The following MYPOP variants were observed in gnomAD, a reference collection of about 807,000 sequenced individuals.
MYPOP encodes the protein myb-related transcription factor, partner of profilin.
A neutral mutation model predicts 25.7 loss-of-function variants in MYPOP; 21 were observed. That is an observed-to-expected ratio of 0.82 (90% CI 0.58 to 1.18). The LOEUF is 1.18. Among genes scored for constraint, MYPOP ranks in the 50% most tolerant of loss-of-function variants. The pLI is 0.00. For synonymous variants in MYPOP, 280 were observed against 247.9 expected (o/e 1.13, Z -1.22); for missense variants, 566 against 588.3 (o/e 0.96, Z 0.39).
In MYPOP at chr19:45,894,081, G is replaced by A. The variant is rs375359569; in HGVS notation, c.500-2758C>T. ...TGGGATTACAGGCATGAGCCACCGC[G>A]CCTGATCCTGTACACTTTATTTTTA... On this transcript the variant is annotated intron_variant, in intron 2 of 2. Transcript: ENST00000322217. Among the ~76,000 whole-genome samples the A allele has an allele frequency of 6.0e-5, 9 of 150,688 alleles. No individual in the cohort carries two copies. The East Asian group carries it at 9.8e-4, about 16-fold the overall frequency.
intron 2 of MYPOP, among the ~76,000 whole-genome samples, chr19:45,894,024 C>T (rs1193585217): frequency 2.0e-5 from 3 of 150,074 alleles, no homozygotes; most frequent in Admixed American, 1.3e-4. Flanking sequence ...CTCCTGACCT[C>T]GTGATCTGCC....
Position 45,890,811 on chromosome 19 carries a change from C to T in MYPOP, c.1012G>A (p.Val338Met), listed in dbSNP as rs767770043. The T allele has an allele frequency of 9.1e-5, 117 of 1,289,270 alleles. No homozygotes were observed. In the South Asian group the frequency reaches 9.1e-4, roughly 10 times the overall value. 79.9% of individuals were successfully genotyped at this position (1,289,270 alleles called of 1,614,324 possible). Residue 338 changes from valine (V) to methionine (M), a missense_variant, in exon 3 of 3, where the codon GTG becomes ATG. Coordinates refer to ENST00000322217, the MANE Select transcript of MYPOP (RefSeq NM_001012643.4). ...APKVEITPEP[V>M]SVVAAVVDGA... is the part of the protein sequence containing the mutation. Reference sequence around the variant, plus strand: ...TCCACCACAGCAGCCACCACGGACACGGGCTCTGGGGTGATCTCCACCTTG... The same window carrying T: ...TCCACCACAGCAGCCACCACGGACATGGGCTCTGGGGTGATCTCCACCTTG...
chr19:45,895,807 C>T (rs1222481515), intron 2 of MYPOP, among the ~76,000 whole-genome samples: 1 of 152,160 alleles, frequency 6.6e-6, no homozygotes, highest in African/African-American at 2.4e-5. Context: ...CGCCTGTCTT[C>T]CCACATGTCG....
At position 45,901,674 on chromosome 19, in the gene MYPOP, C is replaced by A; in HGVS notation, c.100G>T (p.Ala34Ser). 1 of 1,608,464 alleles carries A rather than the reference C, an allele frequency of 6.2e-7. No homozygotes were observed. Among genetic ancestry groups the A allele is most frequent in the Non-Finnish European group, 8.5e-7 (1 of 1,178,602 alleles). Reference sequence around the variant, plus strand: ...GCGCCGTAGAGCTGCGGGTAGTGGGCGCGCACCTCGCGGATCAGGATCTGG... The same window carrying A: ...GCGCCGTAGAGCTGCGGGTAGTGGGAGCGCACCTCGCGGATCAGGATCTGG... ...ENQILIREVR[A>S]HYPQLYGAQS... is the part of the protein sequence containing the mutation. The change falls in exon 2 of 3, where the codon GCC becomes TCC. Residue 34 changes from alanine (A) to serine (S), a missense_variant. Physicochemically the swap from Ala to Ser is moderately conservative, Grantham distance 99. Transcript: ENST00000322217. The surrounding 1 kb of genome is among the most constrained non-coding windows in gnomAD (Gnocchi z 5.7).
chr19:45,897,241 T>C (rs1048209693), intron 2 of MYPOP, among the ~76,000 whole-genome samples: 1 of 151,424 alleles, frequency 6.6e-6, no homozygotes, highest in Admixed American at 6.6e-5. Flanking sequence ...TTTTGTATTT[T>C]TAGTAGAGAC....
chr19:45,896,916 C>T (rs147369308), intron 2 of MYPOP, among the ~76,000 whole-genome samples: 216 of 152,280 alleles, frequency 1.4e-3, no homozygotes, highest in African/African-American at 5.0e-3. Flanking sequence ...TGAGCCACCG[C>T]GCCCGGCCTC....
chr19:45,891,799 G>A (rs541614263), intron 2 of MYPOP, among the ~76,000 whole-genome samples: 66 of 152,192 alleles, frequency 4.3e-4, no homozygotes, highest in African/African-American at 1.5e-3. Context: ...TCCATGGCAG[G>A]CCAGTCTTTG....
In MYPOP at chr19:45,890,302, A is replaced by C; in HGVS notation, c.*321T>G. Reference sequence around the variant, plus strand: ...CTTCAAGTCAAGAACAGGAACTGTTAGGGAAGGGGAGATGTGCAGACCCGA... The same window carrying C: ...CTTCAAGTCAAGAACAGGAACTGTTCGGGAAGGGGAGATGTGCAGACCCGA... On this transcript the variant is annotated 3_prime_UTR_variant, in exon 3 of 3. Coordinates refer to ENST00000322217, the MANE Select transcript of MYPOP (RefSeq NM_001012643.4). 7.7e-6 allele frequency: 2 copies of C among 259,008 alleles called. No homozygotes were observed. Among genetic ancestry groups the C allele is most frequent in the Non-Finnish European group, 1.5e-5 (2 of 135,936 alleles). The allele number at this position is 259,008 out of a possible 1,614,324, so 16.0% of individuals were successfully genotyped here. A position where few individuals can be genotyped will look rare whatever the true frequency, so the allele number is the denominator to read the frequency against.
rs1027997740 is a variant in MYPOP, at chr19:45,901,768, G to A, written c.6C>T (p.Ala2=). ...CCTCCGCTTCGCCCGCCGCCGCCGA[G>A]GCCATGGCGCCCCCCGACGCCGCCG... The part of the protein sequence containing the change: M[A]SAAAGEAEET... The change falls in exon 2 of 3, where the codon GCC becomes GCT. Residue 2 remains alanine, a synonymous_variant. Coordinates refer to ENST00000322217, the MANE Select transcript of MYPOP (RefSeq NM_001012643.4). The surrounding 1 kb of genome is among the most constrained non-coding windows in gnomAD (Gnocchi z 5.7). The A allele has an allele frequency of 1.4e-6, 2 of 1,454,214 alleles. No individual in the cohort carries two copies. Among genetic ancestry groups the A allele is most frequent in the Non-Finnish European group, 1.8e-6 (2 of 1,106,144 alleles). The allele number at this position is 1,454,214 out of a possible 1,614,324, so 90.1% of individuals were successfully genotyped here. A position where few individuals can be genotyped will look rare whatever the true frequency, so the allele number is the denominator to read the frequency against.
At chr19:45,893,789 C>CT (rs60440195) in intron 2 of MYPOP, among the ~76,000 whole-genome samples, 7,865 of 134,846 alleles carry the variant, frequency 0.058, 293 homozygotes, top group Middle Eastern at 0.12. Flanking sequence ...TTTTATTTTA[C>CT]TTTTTTTTTT....
At chr19:45,894,724 C>CTT (rs541151119) in intron 2 of MYPOP, among the ~76,000 whole-genome samples, 2,192 of 121,000 alleles carry the variant, frequency 0.018, 29 homozygotes, top group East Asian at 0.082. Flanking sequence ...TTTCTTTTTT[C>CTT]TTTTTTTTTT....
intron 2 of MYPOP, among the ~76,000 whole-genome samples, chr19:45,898,613 G>A (rs555337098): frequency 9.0e-4 from 137 of 151,630 alleles, no homozygotes; most frequent in African/African-American, 3.1e-3. Context: ...GTGAGCCACC[G>A]TGCCTGGCCA....
intron 1 of MYPOP, among the ~76,000 whole-genome samples, chr19:45,902,248 A>C (rs997354042): frequency 7.3e-6 from 1 of 137,766 alleles, no homozygotes; most frequent in Non-Finnish European, 1.6e-5. Context: ...GAAGGGGGGA[A>C]TCTGGAGCAG....
chr19:45,890,552 G>C lies in MYPOP; in HGVS notation c.*71C>G. 6.4e-7 allele frequency: 1 copy of C among 1,574,482 alleles called. No individual in the cohort carries two copies. The highest frequency in any genetic ancestry group is 8.6e-7 in the Non-Finnish European group (1 of 1,158,170). On this transcript the variant is annotated 3_prime_UTR_variant, in exon 3 of 3. Transcript: ENST00000322217. ...AGCTAGGGTGCAGCTGGGATGGGCA[G>C]AGAGCATCGCCCCCCTCGACTGCGC...
chr19:45,891,567 G>A (rs927852206), intron 2 of MYPOP, among the ~76,000 whole-genome samples: 3 of 151,912 alleles, frequency 2.0e-5, no homozygotes, highest in Non-Finnish European at 4.4e-5. Flanking sequence ...CTCCCGAGTA[G>A]CTGGGATTTC....
chr19:45,890,526 G>C lies in MYPOP; in HGVS notation c.*97C>G. 1.3e-6 allele frequency: 2 copies of C among 1,539,972 alleles called. No individual in the cohort carries two copies. Among genetic ancestry groups the C allele is most frequent in the Non-Finnish European group, 1.8e-6 (2 of 1,142,280 alleles). On this transcript the variant is annotated 3_prime_UTR_variant, in exon 3 of 3. Coordinates refer to ENST00000322217, the MANE Select transcript of MYPOP (RefSeq NM_001012643.4). ...TGGGTGCTCACATCCCTGGAGCAGG[G>C]AGCTAGGGTGCAGCTGGGATGGGCA...
At position 45,891,162 on chromosome 19, in the gene MYPOP, G is replaced by A; in HGVS notation, c.661C>T (p.Pro221Ser). Residue 221 changes from proline to serine, a missense_variant, in exon 3 of 3, where the codon CCA (proline) becomes TCA (serine). Coordinates refer to ENST00000322217, the MANE Select transcript of MYPOP (RefSeq NM_001012643.4). ...GGTGGCAGTGGAGGGGCTGGGGGTG[G>A]TGGAGACAAGGCCAGGCGAGGCAGC... ...VQLPRLALSP[P>S]PPAPPLPPPP... The A allele has an allele frequency of 6.6e-7, 1 of 1,519,142 alleles. No individual in the cohort carries two copies. Among genetic ancestry groups the A allele is most frequent in the Non-Finnish European group, 8.8e-7 (1 of 1,137,582 alleles). The allele number at this position is 1,519,142 out of a possible 1,614,324, so 94.1% of individuals were successfully genotyped here.
At chr19:45,894,453 G>A (rs566769116) in intron 2 of MYPOP, among the ~76,000 whole-genome samples, 4 of 152,050 alleles carry the variant, frequency 2.6e-5, no homozygotes, top group East Asian at 1.9e-4. Flanking sequence ...TTGCTCTCTC[G>A]CTCAGGCTGG....
chr19:45,900,868 C>T (rs760301456), intron 2 of MYPOP, among the ~76,000 whole-genome samples: 40 of 152,186 alleles, frequency 2.6e-4, no homozygotes, highest in Non-Finnish European at 5.3e-4. Context: ...TTCACAGCAA[C>T]GCTTTGAGGT....
Sources: allele counts gnomAD v4.1 joint callset (sites outside exome capture counted in the v4.1 genomes callset), GRCh38; gene constraint gnomAD v4.1.1; non-coding constraint Gnocchi (gnomAD v3.1); transcripts MANE v1.5; gene names NCBI Gene and HGNC (gene_info 2026-07-23, HGNC 2026-07-21).